Variants in PRUNE2 observed in about 807,000 individuals in gnomAD.
PRUNE2 encodes protein prune homolog 2.
A neutral mutation model predicts 252.0 loss-of-function variants in PRUNE2; 164 were observed. The ratio of observed to expected loss-of-function variants is 0.65; its 90% CI spans 0.57 to 0.74. The LOEUF is 0.74. PRUNE2 is among the 30% of genes least tolerant of loss of function. PRUNE2 has a pLI of 0.00. For synonymous variants in PRUNE2, 1,292 were observed against 1,350.2 expected (o/e 0.96, Z 0.94); for missense variants, 3,495 against 3,711.0 (o/e 0.94, Z 1.51).
chr9:76,703,688 C>T lies in PRUNE2; in HGVS notation c.7925G>A (p.Gly2642Asp), dbSNP rs1466271290. 1 of 1,613,288 alleles carries T rather than the reference C, an allele frequency of 6.2e-7. No individual in the cohort carries two copies. The highest frequency in any genetic ancestry group is 1.3e-5 in the African/African-American group (1 of 75,004). ...SWMFLGHSEV[G>D]DPSLDARDSG... ...GTCCCTGGCATCCAGTGATGGATCA[C>T]CAACCTCACTATGGCCCAAGAACAT... Residue 2642 changes from glycine to aspartate, a missense_variant, in exon 9 of 19, where the codon GGT becomes GAT. Gly to Asp is a moderately conservative substitution (Grantham distance 94). Coordinates refer to ENST00000376718, the MANE Select transcript of PRUNE2 (RefSeq NM_015225.3).
At chr9:76,696,426 C>T (rs1009180168) in intron 9 of PRUNE2, among the ~76,000 whole-genome samples, 5 of 152,036 alleles carry the variant, frequency 3.3e-5, no homozygotes, top group South Asian at 4.1e-4. Flanking sequence ...CCTCACCCTC[C>T]GACTTCCACT....
At chr9:76,890,220 C>T (rs536077572) in intron 1 of PRUNE2, among the ~76,000 whole-genome samples, 6 of 152,248 alleles carry the variant, frequency 3.9e-5, no homozygotes, top group South Asian at 2.1e-4. Context: ...CAGAGGATGA[C>T]GGTGAAGGTC....
At chr9:76,755,865 G>A (rs925858201) in intron 6 of PRUNE2, among the ~76,000 whole-genome samples, 9 of 152,044 alleles carry the variant, frequency 5.9e-5, no homozygotes, top group Non-Finnish European at 1.2e-4. Context: ...CCACGCCCCG[G>A]TAAATTTTTG....
intron 17 of PRUNE2, among the ~76,000 whole-genome samples, chr9:76,619,958 GA>G (rs1831437033): frequency 1.3e-5 from 2 of 152,128 alleles, no homozygotes. Context: ...AGTATGCCCA[GA>G]AAACAAATGT....
intron 7 of PRUNE2, 34 bp downstream of exon 7, chr9:76,713,529 G>A: frequency 6.3e-7 from 1 of 1,579,906 alleles, no homozygotes; most frequent in Non-Finnish European, 8.6e-7. Flanking sequence ...GGTTAGGACA[G>A]AGGGAACATG....
chr9:76,764,285 G>A (rs1256674387), intron 6 of PRUNE2, among the ~76,000 whole-genome samples: 6 of 152,160 alleles, frequency 3.9e-5, no homozygotes, highest in Admixed American at 3.9e-4. Flanking sequence ...ATAGCAACGT[G>A]TCAACATAGT....
intron 15 of PRUNE2, among the ~76,000 whole-genome samples, chr9:76,632,787 C>T (rs567355091): frequency 1.3e-5 from 2 of 152,184 alleles, no homozygotes; most frequent in Admixed American, 6.5e-5. Flanking sequence ...TCTTGAACCC[C>T]TTGCCTCAAG....
At position 76,711,292 on chromosome 9, in the gene PRUNE2, C is replaced by T; in HGVS notation, c.982G>A (p.Asp328Asn). 6.2e-7 allele frequency: 1 copy of T among 1,613,888 alleles called. No individual in the cohort carries two copies. Among genetic ancestry groups the T allele is most frequent in the Non-Finnish European group, 8.5e-7 (1 of 1,179,868 alleles). ...LELEPFDCGC[D>N]EILVYQQEDP... Reference sequence around the variant, plus strand: ...TCTTGTTGGTACACCAGGATCTCATCACAGCCACAGTCAAAGGGCTCCAGT... The same window carrying T: ...TCTTGTTGGTACACCAGGATCTCATTACAGCCACAGTCAAAGGGCTCCAGT... The change falls in exon 8 of 19, where the codon GAT becomes AAT. Residue 328 changes from aspartate (D) to asparagine (N), a missense_variant. Transcript: ENST00000376718.
chr9:76,712,801 G>A (rs573469036), intron 7 of PRUNE2, among the ~76,000 whole-genome samples: 1 of 152,128 alleles, frequency 6.6e-6, no homozygotes, highest in Non-Finnish European at 1.5e-5. Flanking sequence ...ACTTGAGAGA[G>A]CCCGAGAGTA....
chr9:76,618,305 T>C (rs1830592309), intron 18 of PRUNE2, among the ~76,000 whole-genome samples: 3 of 152,272 alleles, frequency 2.0e-5, no homozygotes, highest in South Asian at 4.2e-4. Context: ...TTCACTATAA[T>C]TTTCCAACTT....
intron 9 of PRUNE2, among the ~76,000 whole-genome samples, chr9:76,696,943 C>T (rs1010048236): frequency 6.6e-6 from 1 of 152,232 alleles, no homozygotes; most frequent in Non-Finnish European, 1.5e-5. Context: ...TCTTGGGCTA[C>T]GCACTATTCC....
At chr9:76,687,403 C>G (rs1261066360) in intron 9 of PRUNE2, among the ~76,000 whole-genome samples, 1 of 152,190 alleles carries the variant, frequency 6.6e-6, no homozygotes, top group Non-Finnish European at 1.5e-5. Context: ...GCAATGGTGG[C>G]TTTATGAATG....
At chr9:76,673,725 C>A (rs1318456525) in intron 9 of PRUNE2, among the ~76,000 whole-genome samples, 1 of 147,712 alleles carries the variant, frequency 6.8e-6, no homozygotes, top group Non-Finnish European at 1.5e-5. Context: ...TGGGCTTCAT[C>A]CCTGGGATGC....
At chr9:76,649,097 G>T (rs1009653545) in intron 11 of PRUNE2, among the ~76,000 whole-genome samples, 1 of 152,086 alleles carries the variant, frequency 6.6e-6, no homozygotes, top group Non-Finnish European at 1.5e-5. Flanking sequence ...TGTACTCTCC[G>T]CTCAGATTTG....
chr9:76,788,305 C>A (rs987014270), intron 6 of PRUNE2: 11 of 626,624 alleles, frequency 1.8e-5, no homozygotes, highest in Non-Finnish European at 2.9e-6. Flanking sequence ...AAAGAAACAT[C>A]TCTTACCGTG....
chr9:76,837,865 G>A (rs2059130004), intron 4 of PRUNE2, among the ~76,000 whole-genome samples: 3 of 150,582 alleles, frequency 2.0e-5, no homozygotes, highest in Non-Finnish European at 2.9e-5. Flanking sequence ...TCTGCCTCCT[G>A]GGTTCACGCC....
intron 6 of PRUNE2, among the ~76,000 whole-genome samples, chr9:76,791,815 G>C (rs2055575895): frequency 6.6e-6 from 1 of 152,184 alleles, no homozygotes; most frequent in African/African-American, 2.4e-5. Flanking sequence ...CCCCCGACTA[G>C]ATTCAGAAGC....
intron 2 of PRUNE2, among the ~76,000 whole-genome samples, chr9:76,851,521 A>C (rs979851908): frequency 1.8e-4 from 27 of 150,784 alleles, no homozygotes; most frequent in Middle Eastern, 3.4e-3. Flanking sequence ...GCACTGCAGC[A>C]TGGGGGACAG....
intron 6 of PRUNE2, among the ~76,000 whole-genome samples, chr9:76,721,748 A>G (rs762912361): frequency 5.3e-5 from 8 of 152,210 alleles, no homozygotes; most frequent in Non-Finnish European, 1.0e-4. Flanking sequence ...ACAGTTTGAC[A>G]TTTACAGTCT....
Sources: gnomAD v4.1 joint callset for allele counts (sites outside exome capture counted in the v4.1 genomes callset) on GRCh38, gnomAD v4.1.1 for gene constraint, MANE v1.5 for transcripts, NCBI Gene and HGNC (gene_info 2026-07-23, HGNC 2026-07-21) for gene names.